The following AASS variants were observed in gnomAD, a reference collection of about 807,000 sequenced individuals.
AASS encodes the protein alpha-aminoadipic semialdehyde synthase, mitochondrial.
Under a neutral mutation model 105.4 loss-of-function variants are expected in AASS, and 86 were observed. The observed-to-expected ratio is 0.82, with a 90% CI of 0.69 to 0.98. The LOEUF is 0.98. AASS is among the 50% of genes least tolerant of loss of function. The pLI, the probability that AASS is intolerant of heterozygous loss-of-function variation, is 0.00. For synonymous variants in AASS, 381 were observed against 394.8 expected (o/e 0.96, Z 0.41); for missense variants, 1,048 against 1,143.2 (o/e 0.92, Z 1.20).
chr7:122,084,159 A>C (rs1179356702), intron 19 of AASS, among the ~76,000 whole-genome samples: 1 of 152,164 alleles, frequency 6.6e-6, no homozygotes, highest in Non-Finnish European at 1.5e-5. Flanking sequence ...GAAATCTGCC[A>C]GAGCTGGGGA....
In AASS at chr7:122,134,338, G is replaced by A. The variant is rs553671442; in HGVS notation, c.-15-597C>T. 2.0e-5 allele frequency among the ~76,000 whole-genome samples: 3 copies of A among 152,190 alleles called. No individual in the cohort carries two copies. In the East Asian group the frequency reaches 5.8e-4, roughly 29 times the overall value. On this transcript the variant is annotated intron_variant, in intron 1 of 23. Coordinates refer to ENST00000417368, the MANE Select transcript of AASS (RefSeq NM_005763.4). Reference sequence around the variant, plus strand: ...AGATGTGTACATAAATAGAAAGTAAGCATTTAGAAGCCTTAATATCACATG... The same window carrying A: ...AGATGTGTACATAAATAGAAAGTAAACATTTAGAAGCCTTAATATCACATG...
chr7:122,090,918 T>C (rs956920615), intron 18 of AASS, among the ~76,000 whole-genome samples: 1 of 152,084 alleles, frequency 6.6e-6, no homozygotes, highest in Non-Finnish European at 1.5e-5. Context: ...TCTCCACTAG[T>C]TTTTCTTTTC....
At chr7:122,117,232 G>GA (rs926397019) in intron 6 of AASS, among the ~76,000 whole-genome samples, 1 of 152,010 alleles carries the variant, frequency 6.6e-6, no homozygotes, top group Non-Finnish European at 1.5e-5. Flanking sequence ...AGAAATGAGG[G>GA]AAAAATATTT....
intron 4 of AASS, among the ~76,000 whole-genome samples, chr7:122,119,528 A>C (rs1274879273): frequency 6.6e-6 from 1 of 152,138 alleles, no homozygotes; most frequent in Non-Finnish European, 1.5e-5. Flanking sequence ...CTTTTTAGGA[A>C]AGAACTTTCC....
At chr7:122,133,443 T>G (rs1293562775) in intron 2 of AASS, 74 bp downstream of exon 2, 1 of 1,504,790 alleles carries the variant, frequency 6.6e-7, no homozygotes, top group African/African-American at 1.4e-5. Flanking sequence ...AACATTTTAT[T>G]TTCACTCAGA....
At chr7:122,140,398 T>C (rs1796329599) in intron 1 of AASS, among the ~76,000 whole-genome samples, 1 of 141,856 alleles carries the variant, frequency 7.0e-6, no homozygotes, top group African/African-American at 2.7e-5. Context: ...GGCTGGAGAA[T>C]GGCGTGGAAC....
intron 3 of AASS, among the ~76,000 whole-genome samples, chr7:122,126,679 G>A (rs1411684125): frequency 6.6e-6 from 1 of 152,068 alleles, no homozygotes; most frequent in Non-Finnish European, 1.5e-5. Context: ...GTTTGTAGCA[G>A]GTGCTATACC....
chr7:122,118,227 C>T, intron 6 of AASS, 80 bp downstream of exon 6: 2 of 1,529,714 alleles, frequency 1.3e-6, no homozygotes, highest in South Asian at 1.1e-5. Flanking sequence ...TTGAAATACC[C>T]ACAAAATGGC....
chr7:122,136,222 C>T (rs1390578803), intron 1 of AASS, among the ~76,000 whole-genome samples: 1 of 152,148 alleles, frequency 6.6e-6, no homozygotes, highest in Non-Finnish European at 1.5e-5. Flanking sequence ...CTTGACCAAA[C>T]AATTAAGCAT....
intron 11 of AASS, among the ~76,000 whole-genome samples, chr7:122,108,346 CA>C (rs1193777319): frequency 8.6e-5 from 13 of 151,900 alleles, no homozygotes; most frequent in South Asian, 2.1e-4. Context: ...ATTGTGATAC[CA>C]AAATCAGACA....
intron 1 of AASS, chr7:122,133,942 A>G (rs1796028295): frequency 1.2e-5 from 7 of 593,570 alleles, no homozygotes; most frequent in Middle Eastern, 4.6e-4. Flanking sequence ...TAACTGCAAA[A>G]TTTTAAAAAG....
chr7:122,102,840 G>T (rs1319607890), intron 11 of AASS, among the ~76,000 whole-genome samples: 2 of 151,544 alleles, frequency 1.3e-5, no homozygotes, highest in Non-Finnish European at 2.9e-5. Flanking sequence ...CGCAATGTCT[G>T]GCATTAAACC....
rs1361062370 is a variant in AASS at position 122,076,514 on chromosome 7, GTA to G, written c.2754_2755del (p.Thr919TyrfsTer6). 3.1e-6 allele frequency: 5 copies of G among 1,612,662 alleles called. No individual in the cohort carries two copies. In the African/African-American group the frequency reaches 6.7e-5, roughly 22 times the overall value. Reference sequence around the variant, plus strand: ...TTATGGTTTAATTGTACTCTGTGTAGTATATATAATGCCTTCTGCTTTAATTC... The same window carrying G: ...TTATGGTTTAATTGTACTCTGTGTAGTATATAATGCCTTCTGCTTTAATTC... On this transcript the variant is annotated frameshift_variant, in exon 24 of 24. Coordinates refer to ENST00000417368, the MANE Select transcript of AASS (RefSeq NM_005763.4). LOFTEE classifies it high-confidence loss of function.
chr7:122,077,881 G>T lies in AASS; in HGVS notation c.2619C>A (p.Thr873=), dbSNP rs943946020. The change falls in exon 23 of 24, where the codon ACC becomes ACA. Residue 873 remains threonine, a synonymous_variant. Coordinates refer to ENST00000417368, the MANE Select transcript of AASS (RefSeq NM_005763.4). The stretch of plus-strand genomic sequence containing the variant: ...CTGCCATGGCGGTGGGTAACCCCAC[G>T]GTTTTAGCCATGGCTGAAAAGCCAT... ...DINGFSAMAK[T]VGLPTAMAAK... is the part of the protein sequence containing the mutation. 3 of 1,614,152 alleles carry T rather than the reference G, an allele frequency of 1.9e-6. No homozygotes were observed. Among genetic ancestry groups the T allele is most frequent in the East Asian group, 2.2e-5 (1 of 44,864 alleles).
chr7:122,104,989 C>T (rs751917920), intron 11 of AASS, among the ~76,000 whole-genome samples: 1 of 151,770 alleles, frequency 6.6e-6, no homozygotes, highest in Non-Finnish European at 1.5e-5. Flanking sequence ...AAGAGACACA[C>T]TTTCACCTTA....
intron 15 of AASS, among the ~76,000 whole-genome samples, chr7:122,096,651 G>T (rs905296349): frequency 2.6e-5 from 4 of 151,818 alleles, no homozygotes; most frequent in Non-Finnish European, 1.5e-5. Flanking sequence ...AAAATTTAAG[G>T]AATGTTATAG....
At chr7:122,095,394 T>A (rs996211505) in intron 15 of AASS, among the ~76,000 whole-genome samples, 1 of 152,110 alleles carries the variant, frequency 6.6e-6, no homozygotes, top group Non-Finnish European at 1.5e-5. Flanking sequence ...CATATCCATA[T>A]TCTATTCTAG....
intron 18 of AASS, among the ~76,000 whole-genome samples, chr7:122,086,521 A>T (rs111251160): frequency 6.6e-6 from 1 of 151,576 alleles, no homozygotes; most frequent in African/African-American, 2.4e-5. Context: ...AAAAAAATTT[A>T]AAATAAACAT....
chr7:122,098,880 A>C lies in AASS; in HGVS notation c.1407-14T>G. On this transcript the variant is annotated splice_polypyrimidine_tract_variant and intron_variant, in intron 13 of 23. Transcript: ENST00000417368. ...TGAGCACGTTCCCTATTTAAAAAAA[A>C]AAAAAAAAAAAAAAAAGGGAAGGGG... is the stretch of plus-strand genomic sequence containing the variant. 1 of 1,544,026 alleles carries C rather than the reference A, an allele frequency of 6.5e-7. No individual in the cohort carries two copies. The highest frequency in any genetic ancestry group is 1.2e-5 in the South Asian group (1 of 80,762).
Sources: gnomAD v4.1 joint callset for allele counts (sites outside exome capture counted in the v4.1 genomes callset) on GRCh38, gnomAD v4.1.1 for gene constraint, MANE v1.5 for transcripts, NCBI Gene and HGNC (gene_info 2026-07-23, HGNC 2026-07-21) for gene names.